Variants in IGFBP4 observed in about 807,000 individuals in gnomAD.
IGFBP4 encodes the protein insulin like growth factor binding protein 4.
A neutral mutation model predicts 25.8 loss-of-function variants in IGFBP4; 9 were observed. That is an observed-to-expected ratio of 0.35 (90% CI 0.21 to 0.61). The LOEUF is 0.61. Ranked by LOEUF, IGFBP4 falls within the 20% of genes least tolerant of loss-of-function variation. The pLI, the probability that IGFBP4 is intolerant of heterozygous loss-of-function variation, is 0.77. For missense variants in IGFBP4, 315 were observed against 365.3 expected, an observed-to-expected ratio of 0.86 and a Z score of 1.12; for synonymous variants, 153 against 153.9, an observed-to-expected ratio of 0.99 and a Z score of 0.05.
chr17:40,444,185 A>G (rs796974533), intron 1 of IGFBP4, 101 bp downstream of exon 1: 4 of 906,126 alleles, frequency 4.4e-6, no homozygotes, highest in Admixed American at 2.3e-5. Context: ...AAAATCCCCT[A>G]TGAGTTGAAG....
intron 1 of IGFBP4, among the ~76,000 whole-genome samples, chr17:40,447,892 A>C (rs376022890): frequency 1.1e-4 from 17 of 152,142 alleles, no homozygotes; most frequent in Middle Eastern, 3.2e-3. Flanking sequence ...AATTTGGGGC[A>C]ACATTCAGAG....
At chr17:40,445,787 C>T (rs1375717151) in intron 1 of IGFBP4, among the ~76,000 whole-genome samples, 2 of 152,110 alleles carry the variant, frequency 1.3e-5, no homozygotes, top group African/African-American at 4.8e-5. Flanking sequence ...ACAACAGAGT[C>T]ACGTTCCCTT....
intron 1 of IGFBP4, among the ~76,000 whole-genome samples, chr17:40,448,654 G>A (rs966320848): frequency 2.0e-5 from 3 of 152,190 alleles, no homozygotes; most frequent in Admixed American, 2.0e-4. Flanking sequence ...AGATGAGAAG[G>A]TTAACGTTAT....
intron 1 of IGFBP4, among the ~76,000 whole-genome samples, chr17:40,444,916 CACACACACACAGAGACAG>C (rs2035633602): frequency 5.9e-5 from 5 of 84,742 alleles, no homozygotes; most frequent in African/African-American, 2.4e-4. Flanking sequence ...CACACACACA[CACACACACACAGAGACAG>C]AGAGAGAGAG....
At chr17:40,447,522 G>A (rs1286396486) in intron 1 of IGFBP4, among the ~76,000 whole-genome samples, 1 of 152,192 alleles carries the variant, frequency 6.6e-6, no homozygotes, top group African/African-American at 2.4e-5. Flanking sequence ...TGGGAATCCA[G>A]TTATGTCATG....
chr17:40,453,258 C>T lies in IGFBP4; in HGVS notation c.507+116C>T, dbSNP rs1002985238. On this transcript the variant is annotated intron_variant, in intron 2 of 3. Transcript: ENST00000269593. The surrounding 1 kb of genome is among the most constrained non-coding windows in gnomAD (Gnocchi z 4.0). ...ATCACCACCAGATCTGGGGCGTGTT[C>T]ATTCAGCACACATTCTAGGGTGACT... 5 of 733,340 alleles carry T rather than the reference C, an allele frequency of 6.8e-6. No homozygotes were observed. The highest frequency in any genetic ancestry group is 6.0e-6 in the Non-Finnish European group (3 of 497,376). The allele number at this position is 733,340 out of a possible 1,614,324, so 45.4% of individuals were successfully genotyped here.
intron 1 of IGFBP4, among the ~76,000 whole-genome samples, chr17:40,445,414 T>C (rs1420674002): frequency 1.3e-5 from 2 of 152,196 alleles, no homozygotes; most frequent in East Asian, 1.9e-4. Context: ...AAGCTTCCAT[T>C]GTTGCAGTCC....
At chr17:40,444,932 CAGAGAGAGAG>C (rs10603634) in intron 1 of IGFBP4, among the ~76,000 whole-genome samples, 1,990 of 75,264 alleles carry the variant, frequency 0.026, 48 homozygotes, top group African/African-American at 0.053. Flanking sequence ...CACACAGAGA[CAGAGAGAGAG>C]AGAGAGAGAG....
intron 1 of IGFBP4, among the ~76,000 whole-genome samples, chr17:40,449,079 A>T (rs1027825976): frequency 6.6e-6 from 1 of 152,118 alleles, no homozygotes; most frequent in Non-Finnish European, 1.5e-5. Flanking sequence ...AACTGGGGAT[A>T]AGTAGGATGG....
intron 1 of IGFBP4, among the ~76,000 whole-genome samples, chr17:40,448,265 CA>C (rs1362356085): frequency 6.6e-6 from 1 of 152,250 alleles, no homozygotes; most frequent in African/African-American, 2.4e-5. Context: ...TAAAATCAGG[CA>C]ACAGGAAAGA....
intron 1 of IGFBP4, among the ~76,000 whole-genome samples, chr17:40,451,697 T>C (rs1397850028): frequency 6.6e-6 from 1 of 152,202 alleles, no homozygotes; most frequent in Non-Finnish European, 1.5e-5. Flanking sequence ...CAGAGGTGGC[T>C]CTGATCTGCA....
In IGFBP4 at chr17:40,456,672, G is replaced by C. The variant is rs1597677514; in HGVS notation, c.*89G>C. The C allele has an allele frequency of 7.4e-7, 1 of 1,355,352 alleles. No individual in the cohort carries two copies. The highest frequency in any genetic ancestry group is 1.0e-6 in the Non-Finnish European group (1 of 986,280). 84.0% of individuals were successfully genotyped at this position (1,355,352 alleles called of 1,614,324 possible). A position where few individuals can be genotyped will look rare whatever the true frequency, so the allele number is the denominator to read the frequency against. ...CTGACCCAGAGTGGAGTCTGAGTCT[G>C]AGTCCTGTCTCTGCCTGCGGCCCAG... On this transcript the variant is annotated 3_prime_UTR_variant, in exon 4 of 4. Coordinates refer to ENST00000269593, the MANE Select transcript of IGFBP4 (RefSeq NM_001552.3).
rs1227799237 is a variant in IGFBP4, at chr17:40,446,445, G to A, written c.349+2361G>A. 5.3e-5 allele frequency among the ~76,000 whole-genome samples: 8 copies of A among 151,826 alleles called. No homozygotes were observed. The South Asian group carries it at 6.2e-4, about 12-fold the overall frequency. ...AGCCTGGTCAACATGGTGAAACCTC[G>A]TCTCTACTAAAAATACAAAAATTAG... On this transcript the variant is annotated intron_variant, in intron 1 of 3. Coordinates refer to ENST00000269593, the MANE Select transcript of IGFBP4 (RefSeq NM_001552.3).
At position 40,444,098 on chromosome 17, in the gene IGFBP4, G is replaced by A; in HGVS notation, c.349+14G>A. 1.3e-6 allele frequency: 2 copies of A among 1,525,406 alleles called. No individual in the cohort carries two copies. The highest frequency in any genetic ancestry group is 2.7e-5 in the African/African-American group (2 of 72,824). The allele number at this position is 1,525,406 out of a possible 1,614,324, so 94.5% of individuals were successfully genotyped here. ...TGCAGCCCTCTGGTAAGGTACCCCT[G>A]GCCTCCCAATTCCCTCCTGAGTGCG... On this transcript the variant is annotated intron_variant, in intron 1 of 3. Transcript: ENST00000269593.
intron 1 of IGFBP4, among the ~76,000 whole-genome samples, chr17:40,447,069 C>G (rs1316374358): frequency 6.6e-6 from 1 of 152,226 alleles, no homozygotes; most frequent in Non-Finnish European, 1.5e-5. Flanking sequence ...TCGAGGGTAC[C>G]TGTCTATTTT....
At chr17:40,447,495 C>T (rs144600826) in intron 1 of IGFBP4, among the ~76,000 whole-genome samples, 6 of 152,288 alleles carry the variant, frequency 3.9e-5, no homozygotes, top group Non-Finnish European at 5.9e-5. Flanking sequence ...GCAAATTCTG[C>T]CCCCCTACTT....
At chr17:40,446,995 G>T (rs1311947697) in intron 1 of IGFBP4, among the ~76,000 whole-genome samples, 1 of 152,246 alleles carries the variant, frequency 6.6e-6, no homozygotes, top group East Asian at 1.9e-4. Flanking sequence ...GCCTTACACA[G>T]TCAGTAGGCC....
chr17:40,446,551 G>A (rs1555585787), intron 1 of IGFBP4, among the ~76,000 whole-genome samples: 1 of 152,166 alleles, frequency 6.6e-6, no homozygotes, highest in Non-Finnish European at 1.5e-5. Flanking sequence ...GGGAGGTGGA[G>A]GTTGCAGTGA....
intron 1 of IGFBP4, among the ~76,000 whole-genome samples, chr17:40,450,262 A>C (rs1438765454): frequency 6.6e-6 from 1 of 152,080 alleles, no homozygotes; most frequent in African/African-American, 2.4e-5. Flanking sequence ...GGCCTTCCAA[A>C]GTGTTGGGAT....
Sources: gnomAD v4.1 joint callset for allele counts (sites outside exome capture counted in the v4.1 genomes callset) on GRCh38, gnomAD v4.1.1 for gene constraint, Gnocchi (gnomAD v3.1) non-coding constraint, MANE v1.5 for transcripts, NCBI Gene and HGNC (gene_info 2026-07-23, HGNC 2026-07-21) for gene names.